NR2F1: variants seen among roughly 807,000 people sequenced by gnomAD.
The protein encoded by NR2F1 is COUP transcription factor 1.
NR2F1 carries 1 observed loss-of-function variant against 37.7 expected under a neutral mutation model. That is an observed-to-expected ratio of 0.03 (90% CI 0.01 to 0.13). NR2F1 has a LOEUF of 0.13. NR2F1 is among the 10% of genes least tolerant of loss of function. The pLI is 1.00. For synonymous variants in NR2F1, 275 were observed against 259.6 expected, an observed-to-expected ratio of 1.06 and a Z score of -0.57; for missense variants, 268 against 578.4, an observed-to-expected ratio of 0.46 and a Z score of 5.50.
rs898722608 is a variant in NR2F1, at chr5:93,587,861, A to T, written c.464-56A>T. On this transcript the variant is annotated intron_variant, in intron 1 of 2. Transcript: ENST00000327111. The stretch of plus-strand genomic sequence containing the variant: ...GTGTTGGGTACGCTGCGGCGCGGCA[A>T]TGTTCGCAAGCTCCCTGGATGCACA... 6 of 1,511,600 alleles carry T rather than the reference A, an allele frequency of 4.0e-6. No homozygotes were observed. In the African/African-American group the frequency reaches 8.3e-5, roughly 21 times the overall value. 93.6% of individuals were successfully genotyped at this position (1,511,600 alleles called of 1,614,324 possible). A position where few individuals can be genotyped will look rare whatever the true frequency, so the allele number is the denominator to read the frequency against.
chr5:93,583,873 C>T lies in NR2F1; in HGVS notation c.-1151C>T, dbSNP rs1753173687. 1 of 152,448 alleles carries T rather than the reference C, an allele frequency of 6.6e-6. No homozygotes were observed. Among genetic ancestry groups the T allele is most frequent in the South Asian group, 2.1e-4 (1 of 4,826 alleles). The allele number at this position is 152,448 out of a possible 1,614,324, so 9.4% of individuals were successfully genotyped here. ...TATTTCGCTGTGATTTCGTCGCCGG[C>T]GTGAATTATCCCGTATTTTTCTCCC... is the stretch of plus-strand genomic sequence containing the variant. On this transcript the variant is annotated 5_prime_UTR_variant, in exon 1 of 3. Transcript: ENST00000327111.
rs1050452392 is a variant in NR2F1, at chr5:93,593,919, G to A, written c.*77G>A. ...CCTGGGCCAAGGACTCCAAAGCCGCGGGGACACCGGGAAGTGCAGCGGGCC... is the reference window on the plus strand; with the variant it reads ...CCTGGGCCAAGGACTCCAAAGCCGCAGGGACACCGGGAAGTGCAGCGGGCC... On this transcript the variant is annotated 3_prime_UTR_variant, in exon 3 of 3. Transcript: ENST00000327111. This position sits in a 1 kb window ranked among gnomAD's most constrained non-coding sequence, Gnocchi z 5.6. 16 of 1,447,408 alleles carry A rather than the reference G, an allele frequency of 1.1e-5. No individual in the cohort carries two copies. Among genetic ancestry groups the A allele is most frequent in the Non-Finnish European group, 1.5e-5 (16 of 1,059,742 alleles). 89.7% of individuals were successfully genotyped at this position (1,447,408 alleles called of 1,614,324 possible). A position where few individuals can be genotyped will look rare whatever the true frequency, so the allele number is the denominator to read the frequency against.
chr5:93,591,202 A>T (rs1465153727), intron 2 of NR2F1, among the ~76,000 whole-genome samples: 4 of 152,232 alleles, frequency 2.6e-5, no homozygotes, highest in Non-Finnish European at 5.9e-5. Context: ...CCACATTGAC[A>T]CTACCGTATA....
rs1478029378 is a variant in NR2F1, at chr5:93,584,827, GGCA to G, written c.-194_-192del. ...GCGGGGCGGCCGAGGCAGTAGCGGCGGCAGCGGCGGCGGCGGCGGAGGCAGCGG... is the reference window on the plus strand; with the variant it reads ...GCGGGGCGGCCGAGGCAGTAGCGGCGGCGGCGGCGGCGGCGGAGGCAGCGG... On this transcript the variant is annotated 5_prime_UTR_variant, in exon 1 of 3. Transcript: ENST00000327111. 3 of 157,152 alleles carry G rather than the reference GGCA, an allele frequency of 1.9e-5. No homozygotes were observed. The highest frequency in any genetic ancestry group is 1.9e-4 in the East Asian group (1 of 5,304). The allele number at this position is 157,152 out of a possible 1,614,324, so 9.7% of individuals were successfully genotyped here.
In NR2F1 at chr5:93,583,623, G is replaced by A. The variant is rs1164739826; in HGVS notation, c.-1401G>A. On this transcript the variant is annotated 5_prime_UTR_variant, in exon 1 of 3. Coordinates refer to ENST00000327111, the MANE Select transcript of NR2F1 (RefSeq NM_005654.6). Reference sequence around the variant, plus strand: ...TGATTTTTTTTGGAGGGAGGGTGTTGGTTGCCGGCTGAAGAGCACTTATTT... The same window carrying A: ...TGATTTTTTTTGGAGGGAGGGTGTTAGTTGCCGGCTGAAGAGCACTTATTT... The A allele has an allele frequency of 6.6e-6, 1 of 151,790 alleles. No homozygotes were observed. Among genetic ancestry groups the A allele is most frequent in the Non-Finnish European group, 1.5e-5 (1 of 67,970 alleles). 9.4% of individuals were successfully genotyped at this position (151,790 alleles called of 1,614,324 possible).
Position 93,593,912 on chromosome 5 carries a change from A to C in NR2F1, c.*70A>C. 1.3e-6 allele frequency: 2 copies of C among 1,490,166 alleles called. No homozygotes were observed. Among genetic ancestry groups the C allele is most frequent in the Non-Finnish European group, 1.8e-6 (2 of 1,093,248 alleles). 92.3% of individuals were successfully genotyped at this position (1,490,166 alleles called of 1,614,324 possible). A position where few individuals can be genotyped will look rare whatever the true frequency, so the allele number is the denominator to read the frequency against. On this transcript the variant is annotated 3_prime_UTR_variant, in exon 3 of 3. Coordinates refer to ENST00000327111, the MANE Select transcript of NR2F1 (RefSeq NM_005654.6). The surrounding 1 kb of genome is among the most constrained non-coding windows in gnomAD (Gnocchi z 5.6). ...GGACCCACCTGGGCCAAGGACTCCA[A>C]AGCCGCGGGGACACCGGGAAGTGCA...
At position 93,584,965 on chromosome 5, in the gene NR2F1, C is replaced by T; in HGVS notation, c.-59C>T. 1 of 792,616 alleles carries T rather than the reference C, an allele frequency of 1.3e-6. No homozygotes were observed. The highest frequency in any genetic ancestry group is 1.5e-6 in the Non-Finnish European group (1 of 655,070). The allele number at this position is 792,616 out of a possible 1,614,324, so 49.1% of individuals were successfully genotyped here. On this transcript the variant is annotated 5_prime_UTR_variant, in exon 1 of 3. Transcript: ENST00000327111. ...CCCTTCCCCTCCCAGCGCGCCCGCG[C>T]GCCCCGCGGCCCTCGGCGAGCAGCT...
intron 1 of NR2F1, 168 bp downstream of exon 1, chr5:93,585,654 C>A: frequency 1.6e-6 from 1 of 612,988 alleles, no homozygotes; most frequent in Non-Finnish European, 2.9e-6. Flanking sequence ...TCCCCCCGCC[C>A]TCCCCAGCTC....
chr5:93,585,604 C>T (rs954589896), intron 1 of NR2F1, 118 bp downstream of exon 1: 2 of 801,198 alleles, frequency 2.5e-6, no homozygotes, highest in Non-Finnish European at 4.0e-6. Flanking sequence ...CCGGCCCGTC[C>T]CAGCTTTCCT....
Position 93,585,462 on chromosome 5 carries a change from C to T in NR2F1, c.439C>T (p.Leu147Phe). 1 of 1,613,354 alleles carries T rather than the reference C, an allele frequency of 6.2e-7. No homozygotes were observed. The highest frequency in any genetic ancestry group is 8.5e-7 in the Non-Finnish European group (1 of 1,179,384). The change falls in exon 1 of 3, where the codon CTC becomes TTC. Residue 147 changes from leucine (L) to phenylalanine (F), a missense_variant. Physicochemically the swap from Leu to Phe is conservative, Grantham distance 22 (BLOSUM62 0). This residue lies in a region of NR2F1 where 16 missense variants were observed against 113.0 expected (regional missense o/e 0.14). Coordinates refer to ENST00000327111, the MANE Select transcript of NR2F1 (RefSeq NM_005654.6). The part of the protein sequence containing the change: ...QCQYCRLKKC[L>F]KVGMRREAVQ... ...CCAATACTGCCGCCTCAAGAAGTGC[C>T]TCAAAGTGGGCATGAGGCGGGAAGG...
rs1335086702 is a variant in NR2F1, at chr5:93,593,344, A to G, written c.992-218A>G. Among the ~76,000 whole-genome samples, 7 of 147,768 alleles carry G rather than the reference A, an allele frequency of 4.7e-5. No homozygotes were observed. The highest frequency in any genetic ancestry group is 1.0e-4 in the Non-Finnish European group (7 of 67,090). On this transcript the variant is annotated intron_variant, in intron 2 of 2. Coordinates refer to ENST00000327111, the MANE Select transcript of NR2F1 (RefSeq NM_005654.6). The surrounding 1 kb of genome is among the most constrained non-coding windows in gnomAD (Gnocchi z 5.6). ...CTCCCCTAGGCTTGGTGGGGGTTTG[A>G]TTTATTTTTATTTGTATTGTATTGG...
intron 2 of NR2F1, 147 bp downstream of exon 2, chr5:93,588,591 G>A: frequency 2.4e-6 from 1 of 417,760 alleles, no homozygotes; most frequent in Non-Finnish European, 3.2e-6. Context: ...CCGGGTCTGT[G>A]ACCCCCGCGC....
At chr5:93,587,850 G>A (rs1056503290) in intron 1 of NR2F1, 67 bp from the exon 2 acceptor site, 1 of 1,477,490 alleles carries the variant, frequency 6.8e-7, no homozygotes, top group East Asian at 2.3e-5. Flanking sequence ...TGGGTACGCT[G>A]CGGCGCGGCA....
intron 1 of NR2F1, chr5:93,585,691 T>C: frequency 1.9e-6 from 1 of 528,010 alleles, no homozygotes; most frequent in South Asian, 2.1e-5. Flanking sequence ...CCTCCCGGCC[T>C]GCGCTCATCT....
At chr5:93,592,832 T>C in intron 2 of NR2F1, among the ~76,000 whole-genome samples, 1 of 152,064 alleles carries the variant, frequency 6.6e-6, no homozygotes, top group East Asian at 1.9e-4. Context: ...CAATTTTCAA[T>C]TACTTGATCT....
In NR2F1 at chr5:93,593,439, ACTT is replaced by A. The variant is rs1003649183; in HGVS notation, c.992-119_992-117del. 1 of 1,027,336 alleles carries A rather than the reference ACTT, an allele frequency of 9.7e-7. No homozygotes were observed. The highest frequency in any genetic ancestry group is 2.3e-5 in the Admixed American group (1 of 44,350). The allele number at this position is 1,027,336 out of a possible 1,614,324, so 63.6% of individuals were successfully genotyped here. On this transcript the variant is annotated intron_variant, in intron 2 of 2. Coordinates refer to ENST00000327111, the MANE Select transcript of NR2F1 (RefSeq NM_005654.6). This position sits in a 1 kb window ranked among gnomAD's most constrained non-coding sequence, Gnocchi z 5.6. Reference sequence around the variant, plus strand: ...AGGGTGAATTTTTCTTTTCTCTTTTACTTCTTTTTTATTTTCCATTTTCTCCTT... The same window carrying A: ...AGGGTGAATTTTTCTTTTCTCTTTTACTTTTTTATTTTCCATTTTCTCCTT...
chr5:93,588,547 G>GCGGGC (rs1753272662), intron 2 of NR2F1, 103 bp downstream of exon 2: 4 of 771,962 alleles, frequency 5.2e-6, no homozygotes, highest in East Asian at 1.1e-4. Flanking sequence ...CCGGTGCGGG[G>GCGGGC]CGGGCCGGGC....
intron 1 of NR2F1, among the ~76,000 whole-genome samples, chr5:93,586,113 C>T (rs114920714): frequency 0.028 from 4,215 of 151,862 alleles, 97 homozygotes; most frequent in South Asian, 0.062. Flanking sequence ...CACTGGTTCC[C>T]TCTCTTCTTC....
At chr5:93,587,454 A>G (rs1439960905) in intron 1 of NR2F1, 1 of 159,722 alleles carries the variant, frequency 6.3e-6, no homozygotes, top group Admixed American at 6.4e-5. Flanking sequence ...GAAACATTTT[A>G]TCAGCAAAAC....
Sources: allele counts gnomAD v4.1 joint callset (sites outside exome capture counted in the v4.1 genomes callset), GRCh38; gene constraint gnomAD v4.1.1; regional missense constraint gnomAD v4.1.1; non-coding constraint Gnocchi (gnomAD v3.1); transcripts MANE v1.5; gene names NCBI Gene and HGNC (gene_info 2026-07-23, HGNC 2026-07-21).